Variants in ECD observed in about 807,000 individuals in gnomAD.
ECD encodes ecdysoneless cell cycle regulator, also known as protein ecdysoneless homolog.
Under a neutral mutation model 77.2 loss-of-function variants are expected in ECD, and 59 were observed. The ratio of observed to expected loss-of-function variants is 0.76; its 90% CI spans 0.62 to 0.95. The LOEUF (loss-of-function observed/expected upper bound fraction) is 0.95. Ranked by LOEUF, ECD falls within the 40% of genes least tolerant of loss-of-function variation. ECD has a pLI of 0.00. For synonymous variants in ECD, 233 were observed against 267.4 expected (o/e 0.87, Z 1.26); for missense variants, 704 against 763.4 (o/e 0.92, Z 0.92).
Position 73,163,890 on chromosome 10 carries a change from G to C in ECD, c.48C>G (p.Tyr16Ter), listed in dbSNP as rs780983835. ...ACTCATCTGGTATCAGGAACAGGCAGTACTCCACTGTGTCTTCCATCGTAG... is the reference window on the plus strand; with the variant it reads ...ACTCATCTGGTATCAGGAACAGGCACTACTCCACTGTGTCTTCCATCGTAG... ...KLATMEDTVE[Y>*]CLFLIPDESR... The change falls in exon 2 of 14, where the codon TAC becomes TAG. Residue 16 changes from tyrosine (Y) to a stop codon, truncating the protein, a stop_gained. Coordinates refer to ENST00000372979, the MANE Select transcript of ECD (RefSeq NM_007265.3). LOFTEE classifies it high-confidence loss of function. The C allele has an allele frequency of 6.2e-7, 1 of 1,614,062 alleles. No individual in the cohort carries two copies. Among genetic ancestry groups the C allele is most frequent in the African/African-American group, 1.3e-5 (1 of 74,928 alleles).
intron 13 of ECD, 68 bp downstream of exon 13, chr10:73,136,636 A>G: frequency 7.1e-7 from 1 of 1,407,276 alleles, no homozygotes; most frequent in Non-Finnish European, 9.8e-7. Flanking sequence ...AAAAACTATG[A>G]TAAAATATGG....
intron 2 of ECD, among the ~76,000 whole-genome samples, chr10:73,163,027 A>G (rs375793979): frequency 1.5e-4 from 23 of 152,300 alleles, no homozygotes; most frequent in Middle Eastern, 3.4e-3. Context: ...GGATTTCTAG[A>G]GCTGTCCTGA....
Position 73,154,102 on chromosome 10 carries a change from C to T in ECD, c.783+154G>A, listed in dbSNP as rs558401060. ...GGAATATTCAATCTATATTAACATGCTATGAAGAAACAGAATATTTCCTTT... is the reference window on the plus strand; with the variant it reads ...GGAATATTCAATCTATATTAACATGTTATGAAGAAACAGAATATTTCCTTT... On this transcript the variant is annotated intron_variant, in intron 6 of 13. Transcript: ENST00000372979. Among the ~76,000 whole-genome samples the T allele has an allele frequency of 2.0e-5, 3 of 152,214 alleles. 1 individual carries two copies. In the South Asian group the frequency reaches 6.2e-4, roughly 32 times the overall value.
chr10:73,146,430 C>G, intron 8 of ECD, 69 bp from the exon 9 acceptor site: 1 of 1,086,340 alleles, frequency 9.2e-7, no homozygotes, highest in Non-Finnish European at 1.3e-6. Flanking sequence ...TGTTCACCAG[C>G]AACTTTCAGG....
chr10:73,156,761 G>A, intron 3 of ECD, 106 bp from the exon 4 acceptor site: 1 of 1,081,280 alleles, frequency 9.2e-7, no homozygotes, highest in South Asian at 1.4e-5. Context: ...GTAAATATTT[G>A]AGTATGTACT....
At chr10:73,137,945 G>A (rs1842997612) in intron 12 of ECD, 58 bp downstream of exon 12, 1 of 1,338,870 alleles carries the variant, frequency 7.5e-7, no homozygotes, top group Non-Finnish European at 1.0e-6. Context: ...CAATGCTCTA[G>A]CAACAGCCAT....
intron 2 of ECD, among the ~76,000 whole-genome samples, chr10:73,162,322 AG>A (rs2133274792): frequency 6.6e-6 from 1 of 152,368 alleles, no homozygotes; most frequent in South Asian, 2.1e-4. Flanking sequence ...TTCAGGATTT[AG>A]CATCTGACTG....
chr10:73,159,947 T>C (rs1843353487), intron 3 of ECD, among the ~76,000 whole-genome samples: 1 of 151,300 alleles, frequency 6.6e-6, no homozygotes, highest in African/African-American at 2.4e-5. Context: ...GCCGTGTACT[T>C]TAATTCTTTC....
intron 13 of ECD, among the ~76,000 whole-genome samples, chr10:73,135,843 A>T (rs1842969364): frequency 6.6e-6 from 1 of 152,194 alleles, no homozygotes; most frequent in Non-Finnish European, 1.5e-5. Flanking sequence ...CTTTTGGTTT[A>T]TATTCGCATT....
intron 5 of ECD, among the ~76,000 whole-genome samples, chr10:73,154,965 T>C (rs548790480): frequency 6.6e-6 from 1 of 152,294 alleles, no homozygotes; most frequent in South Asian, 2.1e-4. Flanking sequence ...ATACCTATTA[T>C]ACTTTGGAAT....
At chr10:73,164,526 G>T (rs992349754) in intron 1 of ECD, among the ~76,000 whole-genome samples, 1 of 151,578 alleles carries the variant, frequency 6.6e-6, no homozygotes, top group Non-Finnish European at 1.5e-5. Context: ...GGAGTGCAGC[G>T]GCATGATCAC....
At chr10:73,142,438 T>G (rs1843070456) in intron 9 of ECD, among the ~76,000 whole-genome samples, 1 of 151,222 alleles carries the variant, frequency 6.6e-6, no homozygotes, top group South Asian at 2.1e-4. Context: ...ATCGAGACCA[T>G]CCTGGCCAAC....
intron 11 of ECD, 23 bp downstream of exon 11, chr10:73,139,286 A>G (rs1323183106): frequency 6.3e-6 from 10 of 1,581,494 alleles, no homozygotes; most frequent in African/African-American, 1.4e-5. Context: ...CTATTTATAT[A>G]TTTATACTTT....
At position 73,145,657 on chromosome 10, in the gene ECD, C is replaced by CTTT. The variant is rs748175828; in HGVS notation, c.1127+616_1127+618dup. Among the ~76,000 whole-genome samples the CTTT allele has an allele frequency of 1.2e-3, 143 of 124,116 alleles. 2 individuals are homozygous for CTTT. The highest frequency in any genetic ancestry group is 7.9e-3 in the East Asian group (31 of 3,930). The allele number at this position is 124,116 out of a possible 152,430, so 81.4% of individuals were successfully genotyped here. A position where few individuals can be genotyped will look rare whatever the true frequency, so the allele number is the denominator to read the frequency against. On this transcript the variant is annotated intron_variant, in intron 9 of 13. Transcript: ENST00000372979. ...ATCCATTTGCTGAAATATTGTGCAG[C>CTTT]TTTTTTTTTTTTTTTTTTTTGAGAT...
intron 2 of ECD, 36 bp downstream of exon 2, chr10:73,163,697 A>G (rs375663881): frequency 1.3e-6 from 2 of 1,596,820 alleles, no homozygotes; most frequent in African/African-American, 2.7e-5. Context: ...ATAACATTAA[A>G]AGTCACACTA....
At chr10:73,154,533 C>A in intron 5 of ECD, 85 bp from the exon 6 acceptor site, 1 of 1,299,496 alleles carries the variant, frequency 7.7e-7, no homozygotes, top group Non-Finnish European at 1.0e-6. Context: ...TTTGACATCT[C>A]TTTGTTCATC....
At chr10:73,143,684 A>C (rs1262375719) in intron 9 of ECD, among the ~76,000 whole-genome samples, 1 of 152,138 alleles carries the variant, frequency 6.6e-6, no homozygotes, top group Non-Finnish European at 1.5e-5. Context: ...TTCGAGTTAC[A>C]AACAATCCAA....
Position 73,134,500 on chromosome 10 carries a change from T to C in ECD, c.*83A>G, listed in dbSNP as rs2271903. 0.094 allele frequency: 120,833 copies of C among 1,287,048 alleles called. 9,974 individuals are homozygous for C. Among genetic ancestry groups the C allele is most frequent in the African/African-American group, 0.34 (22,384 of 66,228 alleles). 79.7% of individuals were successfully genotyped at this position (1,287,048 alleles called of 1,614,324 possible). A position where few individuals can be genotyped will look rare whatever the true frequency, so the allele number is the denominator to read the frequency against. ...ACTTGTAATGAAGAAACATTTTTAC[T>C]AAATGAGTAATCTAAACTAGAAATG... On this transcript the variant is annotated 3_prime_UTR_variant, in exon 14 of 14. Transcript: ENST00000372979.
chr10:73,164,584 C>A (rs1313473887), intron 1 of ECD, among the ~76,000 whole-genome samples: 2 of 152,030 alleles, frequency 1.3e-5, no homozygotes. Context: ...CCTCCCACCT[C>A]AGCCTCCCAA....
Sources: allele counts gnomAD v4.1 joint callset (sites outside exome capture counted in the v4.1 genomes callset), GRCh38; gene constraint gnomAD v4.1.1; transcripts MANE v1.5; gene names NCBI Gene and HGNC (gene_info 2026-07-23, HGNC 2026-07-21).